ZNG1E: variants seen among roughly 807,000 people sequenced by gnomAD.
ZNG1E encodes the protein Zn regulated GTPase metalloprotein activator 1E.
the ZNG1E span, chr9:65,691,136 G>A: frequency 1.4e-6 from 2 of 1,392,086 alleles, no homozygotes; most frequent in Non-Finnish European, 2.0e-6. Context: ...TGCATGGAGT[G>A]CAGTGGCATG....
At chr9:65,654,444 CG>C in the ZNG1E span, among the ~76,000 whole-genome samples, 36 of 139,148 alleles carry the variant, frequency 2.6e-4, no homozygotes, top group African/African-American at 9.3e-4. Context: ...ATTTGACTCA[CG>C]GTTCTTCAGG....
chr9:65,667,011 CG>C, the ZNG1E span, among the ~76,000 whole-genome samples: 1 of 152,118 alleles, frequency 6.6e-6, no homozygotes, highest in Non-Finnish European at 1.5e-5. Context: ...AGTAGGGACA[CG>C]GTTTCACCAT....
the ZNG1E span, among the ~76,000 whole-genome samples, chr9:65,671,808 C>T: frequency 1.4e-5 from 2 of 145,450 alleles, no homozygotes; most frequent in Non-Finnish European, 3.0e-5. Context: ...ATGAGCGACT[C>T]CATTTTGGTT....
the ZNG1E span, among the ~76,000 whole-genome samples, chr9:65,688,114 G>A: frequency 1.1e-4 from 16 of 150,458 alleles, no homozygotes; most frequent in African/African-American, 3.4e-4. Context: ...CTTTTTGTCA[G>A]TAATTCTGTT....
chr9:65,691,619 C>G, the ZNG1E span, among the ~76,000 whole-genome samples: 1 of 152,254 alleles, frequency 6.6e-6, no homozygotes, highest in Non-Finnish European at 1.5e-5. Flanking sequence ...TCTGTATCCT[C>G]TGTTGTTTGA....
At chr9:65,681,156 A>T in the ZNG1E span, among the ~76,000 whole-genome samples, 1 of 151,916 alleles carries the variant, frequency 6.6e-6, no homozygotes, top group East Asian at 1.9e-4. Context: ...TCTAACAGAA[A>T]CAATTTAGAA....
the ZNG1E span, among the ~76,000 whole-genome samples, chr9:65,684,548 ACG>A: frequency 0.01 from 683 of 66,710 alleles, 4 homozygotes; most frequent in African/African-American, 0.021. Flanking sequence ...ACACACACGC[ACG>A]CACACACACA....
the ZNG1E span, among the ~76,000 whole-genome samples, chr9:65,666,220 T>C: frequency 2.0e-5 from 3 of 150,696 alleles, no homozygotes; most frequent in Non-Finnish European, 4.4e-5. Context: ...TGGATTCCCA[T>C]GTATTGTGGG....
At chr9:65,665,376 G>A in the ZNG1E span, among the ~76,000 whole-genome samples, 1 of 152,382 alleles carries the variant, frequency 6.6e-6, no homozygotes, top group South Asian at 2.1e-4. Flanking sequence ...TGTTGCTTCA[G>A]AGGGTGCAAG....
the ZNG1E span, among the ~76,000 whole-genome samples, chr9:65,677,585 C>T: frequency 6.6e-6 from 1 of 152,288 alleles, no homozygotes; most frequent in Non-Finnish European, 1.5e-5. Context: ...CAAAAGCCTC[C>T]TGACTAATCT....
the ZNG1E span, chr9:65,706,894 C>T: frequency 2.1e-5 from 3 of 144,880 alleles, no homozygotes; most frequent in Admixed American, 7.1e-5. Context: ...ACAAAATTGG[C>T]ATGTGTAAAC....
At chr9:65,727,576 A>G in the ZNG1E span, among the ~76,000 whole-genome samples, 1 of 133,036 alleles carries the variant, frequency 7.5e-6, no homozygotes, top group Non-Finnish European at 1.6e-5. Context: ...ATGCAAACGG[A>G]CACCAAATGT....
the ZNG1E span, among the ~76,000 whole-genome samples, chr9:65,658,624 A>T: frequency 0.033 from 4,737 of 145,516 alleles, no homozygotes; most frequent in Admixed American, 0.052. Context: ...CCCAAGGCAC[A>T]TTATTTGTGC....
the ZNG1E span, among the ~76,000 whole-genome samples, chr9:65,672,449 T>TAAA: frequency 0.037 from 5,043 of 137,252 alleles, 3 homozygotes; most frequent in Middle Eastern, 0.06. Context: ...TCTTATAAGT[T>TAAA]AAAAAAAAAA....
the ZNG1E span, among the ~76,000 whole-genome samples, chr9:65,660,060 G>C: frequency 4.3e-5 from 6 of 138,086 alleles, no homozygotes; most frequent in Non-Finnish European, 7.6e-5. Context: ...AATTGTGAAA[G>C]AGGAAAACAT....
chr9:65,657,682 T>C, the ZNG1E span, among the ~76,000 whole-genome samples: 2 of 152,364 alleles, frequency 1.3e-5, no homozygotes, highest in East Asian at 3.9e-4. Flanking sequence ...TCAACAATAA[T>C]TTACCATACA....
the ZNG1E span, among the ~76,000 whole-genome samples, chr9:65,661,920 T>G: frequency 6.6e-6 from 1 of 152,268 alleles, no homozygotes; most frequent in Non-Finnish European, 1.5e-5. Context: ...AAAGCTGTAA[T>G]TTTGAAAAAG....
the ZNG1E span, among the ~76,000 whole-genome samples, chr9:65,698,961 A>G: frequency 6.9e-6 from 1 of 145,252 alleles, no homozygotes; most frequent in Non-Finnish European, 1.5e-5. Flanking sequence ...GTGCAGGCTC[A>G]CTGCAACCTC....
the ZNG1E span, chr9:65,681,784 T>A: frequency 6.9e-7 from 1 of 1,459,084 alleles, no homozygotes; most frequent in East Asian, 2.4e-5. Flanking sequence ...CTTCATTGTA[T>A]TTTCAAACAA....
Sources: gnomAD v4.1 joint callset for allele counts (sites outside exome capture counted in the v4.1 genomes callset) on GRCh38, gnomAD v4.1.1 for gene constraint, MANE v1.5 for transcripts, NCBI Gene and HGNC (gene_info 2026-07-23, HGNC 2026-07-21) for gene names.